The following SBF2 variants were observed in gnomAD, a reference collection of about 807,000 sequenced individuals.
The protein encoded by SBF2 is SET binding factor 2, also known as myotubularin-related protein 13.
In SBF2, 112 loss-of-function variants were observed where a neutral mutation model predicts 225.2. The observed-to-expected ratio is 0.50, with a 90% confidence interval of 0.43 to 0.58. SBF2 has a LOEUF of 0.58. SBF2 is among the 20% of genes least tolerant of loss of function. The probability of loss-of-function intolerance (pLI) is 0.00; values close to 1 mark genes in which losing one functional copy is unlikely to be tolerated. For synonymous variants in SBF2, 763 were observed against 773.3 expected, an observed-to-expected ratio of 0.99 and a Z score of 0.22; for missense variants, 1,996 against 2,206.2, an observed-to-expected ratio of 0.90 and a Z score of 1.91.
At chr11:10,052,493 A>G (rs1950098336) in intron 2 of SBF2, among the ~76,000 whole-genome samples, 1 of 152,182 alleles carries the variant, frequency 6.6e-6, no homozygotes, top group South Asian at 2.1e-4. Flanking sequence ...GTTTTCTTTA[A>G]GAACTTAGTA....
chr11:9,835,300 A>G (rs904665800), intron 26 of SBF2, among the ~76,000 whole-genome samples: 2 of 151,970 alleles, frequency 1.3e-5, no homozygotes. Flanking sequence ...CCTCCAAGTC[A>G]CTATTTATTC....
intron 16 of SBF2, among the ~76,000 whole-genome samples, chr11:9,931,432 C>T (rs917694659): frequency 2.0e-5 from 3 of 152,230 alleles, no homozygotes; most frequent in Non-Finnish European, 2.9e-5. Context: ...GCAGTATTTG[C>T]TGTTCTGCAA....
chr11:9,920,204 G>GTGTA (rs544312611), intron 16 of SBF2, among the ~76,000 whole-genome samples: 41 of 115,226 alleles, frequency 3.6e-4, no homozygotes, highest in Admixed American at 8.8e-4. Flanking sequence ...GTGTGTGTGT[G>GTGTA]TATATATATA....
intron 1 of SBF2, among the ~76,000 whole-genome samples, chr11:10,203,156 A>G (rs1957628721): frequency 6.6e-6 from 1 of 152,184 alleles, no homozygotes; most frequent in South Asian, 2.1e-4. Context: ...GGGAACCCAA[A>G]GAGGTTAGGG....
At chr11:10,042,696 C>T (rs1241794131) in intron 3 of SBF2, 148 bp downstream of exon 3, 20 of 705,124 alleles carry the variant, frequency 2.8e-5, no homozygotes, top group Non-Finnish European at 4.4e-5. Context: ...TTGCTCTCCT[C>T]TCCAACCTTA....
At chr11:10,251,707 C>G (rs899182559) in intron 1 of SBF2, among the ~76,000 whole-genome samples, 3 of 152,152 alleles carry the variant, frequency 2.0e-5, no homozygotes, top group African/African-American at 7.2e-5. Context: ...GCTGTATTCT[C>G]TCAAAGGTTT....
intron 30 of SBF2, 176 bp from the exon 31 acceptor site, chr11:9,809,178 A>G: frequency 1.7e-6 from 1 of 576,234 alleles, no homozygotes; most frequent in South Asian, 1.9e-5. Context: ...AAACAATGAC[A>G]CTTTTGACTG....
At position 9,781,536 on chromosome 11, in the gene SBF2, T is replaced by C. The variant is rs1852006930; in HGVS notation, c.5422A>G (p.Lys1808Glu). Residue 1808 changes from lysine (K) to glutamate (E), a missense_variant, in exon 39 of 40, where the codon AAG becomes GAG. Transcript: ENST00000256190. ...IPAGPSMGAP[K>E]HTSDKAFFDL... is the part of the protein sequence containing the mutation. ...AAGAAAGCCTTGTCACTTGTGTGCT[T>C]TGGGGCTCCCATGCTGGGGCCAGCA... 6.2e-7 allele frequency: 1 copy of C among 1,614,108 alleles called. No individual in the cohort carries two copies. Among genetic ancestry groups the C allele is most frequent in the African/African-American group, 1.3e-5 (1 of 74,934 alleles).
intron 13 of SBF2, among the ~76,000 whole-genome samples, chr11:9,980,135 C>T (rs1946882053): frequency 6.6e-6 from 1 of 151,588 alleles, no homozygotes; most frequent in Non-Finnish European, 1.5e-5. Context: ...CACGTGCCAC[C>T]ATGCCCGGCT....
intron 6 of SBF2, among the ~76,000 whole-genome samples, chr11:10,018,067 TG>T (rs1948716132): frequency 6.6e-6 from 1 of 152,044 alleles, no homozygotes; most frequent in Admixed American, 6.6e-5. Flanking sequence ...CAGCAAGCAG[TG>T]GGGAAGAAGA....
At chr11:10,000,166 C>G (rs1249424810) in intron 8 of SBF2, among the ~76,000 whole-genome samples, 3 of 152,218 alleles carry the variant, frequency 2.0e-5, no homozygotes, top group Non-Finnish European at 4.4e-5. Flanking sequence ...ACTTCATCCA[C>G]TGATTTTATT....
intron 6 of SBF2, among the ~76,000 whole-genome samples, chr11:10,025,796 T>C (rs1453500606): frequency 2.0e-5 from 3 of 152,124 alleles, no homozygotes; most frequent in Admixed American, 6.5e-5. Context: ...AGATGGGGTG[T>C]CAGCGTGTTG....
At chr11:9,956,335 T>C (rs1253357555) in intron 16 of SBF2, among the ~76,000 whole-genome samples, 1 of 152,176 alleles carries the variant, frequency 6.6e-6, no homozygotes. Flanking sequence ...TGACCAATAA[T>C]CTTATTTCTC....
intron 16 of SBF2, among the ~76,000 whole-genome samples, chr11:9,937,756 C>T (rs4910084): frequency 0.32 from 49,108 of 151,622 alleles, 9,242 homozygotes; most frequent in Non-Finnish European, 0.43. Flanking sequence ...TAAGAGAATT[C>T]GGTAAAATGG....
intron 25 of SBF2, among the ~76,000 whole-genome samples, chr11:9,840,355 T>G (rs1322865559): frequency 6.6e-6 from 1 of 151,832 alleles, no homozygotes; most frequent in Non-Finnish European, 1.5e-5. Flanking sequence ...AATTAAATCA[T>G]GTAACTTCTG....
At chr11:10,195,789 T>C (rs1464023035) in intron 1 of SBF2, among the ~76,000 whole-genome samples, 1 of 152,224 alleles carries the variant, frequency 6.6e-6, no homozygotes, top group African/African-American at 2.4e-5. Flanking sequence ...AAAAATATTC[T>C]CAATTAAAAT....
intron 2 of SBF2, among the ~76,000 whole-genome samples, chr11:10,122,561 A>T (rs16907481): frequency 0.18 from 27,088 of 152,214 alleles, 2,585 homozygotes; most frequent in East Asian, 0.28. Flanking sequence ...AAGTAGGCCA[A>T]ACAAGCAAAC....
chr11:10,004,432 A>G (rs1392097200), intron 6 of SBF2, among the ~76,000 whole-genome samples: 1 of 152,028 alleles, frequency 6.6e-6, no homozygotes, highest in Non-Finnish European at 1.5e-5. Context: ...TGAGGGTAGT[A>G]AGGTGCACAA....
chr11:9,875,687 C>T (rs1190517994), intron 17 of SBF2, among the ~76,000 whole-genome samples: 3 of 152,200 alleles, frequency 2.0e-5, no homozygotes, highest in African/African-American at 7.2e-5. Flanking sequence ...TTTGCCTGGT[C>T]AATCCTCCCT....
Sources: gnomAD v4.1 joint callset for allele counts (sites outside exome capture counted in the v4.1 genomes callset) on GRCh38, gnomAD v4.1.1 for gene constraint, MANE v1.5 for transcripts, NCBI Gene and HGNC (gene_info 2026-07-23, HGNC 2026-07-21) for gene names.